The following ZNF678 variants were observed in gnomAD, a reference collection of about 807,000 sequenced individuals.
The protein encoded by ZNF678 is zinc finger protein 678, also known as hypothetical protein MGC42493.
A neutral mutation model predicts 3.0 loss-of-function variants in ZNF678; 5 were observed. The ratio of observed to expected loss-of-function variants is 1.69; its 90% CI spans 0.88 to 3.56. The LOEUF (loss-of-function observed/expected upper bound fraction) is 3.56, where lower values mean the gene tolerates loss of function less well. Among genes scored for constraint, ZNF678 ranks in the 30% most tolerant of loss-of-function variants. ZNF678 has a pLI of 0.00. For synonymous variants in ZNF678, 218 were observed against 199.6 expected (o/e 1.09, Z -0.78); for missense variants, 593 against 605.0 (o/e 0.98, Z 0.21).
At chr1:227,613,189 C>G (rs12069550) in intron 1 of ZNF678, among the ~76,000 whole-genome samples, 32,725 of 152,160 alleles carry the variant, frequency 0.22, 3,933 homozygotes, top group East Asian at 0.44. Flanking sequence ...CTCACTACCT[C>G]TACTCCTCAT....
chr1:227,646,642 C>T lies in ZNF678; in HGVS notation c.-65C>T, dbSNP rs766483295. 15 of 1,372,166 alleles carry T rather than the reference C, an allele frequency of 1.1e-5. No homozygotes were observed. The highest frequency in any genetic ancestry group is 3.8e-5 in the Admixed American group (2 of 52,742). 85.0% of individuals were successfully genotyped at this position (1,372,166 alleles called of 1,614,324 possible). On this transcript the variant is annotated 5_prime_UTR_variant, in exon 2 of 4. Transcript: ENST00000343776. ...GAAATTTGTATAGGGATGTGATGTTCGAGAACTACAGAAACCTGGTCTCCC... is the reference window on the plus strand; with the variant it reads ...GAAATTTGTATAGGGATGTGATGTTTGAGAACTACAGAAACCTGGTCTCCC...
chr1:227,648,216 G>A (rs548857554), intron 2 of ZNF678, among the ~76,000 whole-genome samples: 59 of 152,240 alleles, frequency 3.9e-4, no homozygotes, highest in South Asian at 3.1e-3. Flanking sequence ...AGATTGCTGA[G>A]CGTATATTAA....
At position 227,575,325 on chromosome 1, in the gene ZNF678, G is replaced by T. The variant is rs547370789; in HGVS notation, c.-164+11601G>T. 2.6e-5 allele frequency among the ~76,000 whole-genome samples: 4 copies of T among 152,182 alleles called. No homozygotes were observed. The East Asian group carries it at 7.7e-4, about 29-fold the overall frequency. ...AGAAATAGCATTGAATCTATAAATT[G>T]TTTTTGGGCAGTATGGCCATTTTTA... On this transcript the variant is annotated intron_variant, in intron 1 of 3. Coordinates refer to ENST00000343776, the MANE Select transcript of ZNF678 (RefSeq NM_001367909.1).
chr1:227,644,354 T>TA (rs1658903972), intron 1 of ZNF678, among the ~76,000 whole-genome samples: 1 of 152,338 alleles, frequency 6.6e-6, no homozygotes, highest in South Asian at 2.1e-4. Flanking sequence ...ACATAGTACA[T>TA]GCTCCATAAA....
At chr1:227,663,844 G>A (rs139977590), downstream of ZNF678, among the ~76,000 whole-genome samples, 702 of 152,166 alleles carry the variant, frequency 4.6e-3, 19 homozygotes, top group South Asian at 0.057. Flanking sequence ...CTTTGTCCTC[G>A]GCCCACTTTT....
At chr1:227,652,678 A>G (rs1321989797) in intron 3 of ZNF678, among the ~76,000 whole-genome samples, 4 of 152,066 alleles carry the variant, frequency 2.6e-5, no homozygotes, top group Non-Finnish European at 2.9e-5. Flanking sequence ...TTTTTACCCT[A>G]AACTTCATAT....
At chr1:227,652,795 A>G (rs1367362933) in intron 3 of ZNF678, among the ~76,000 whole-genome samples, 2 of 152,154 alleles carry the variant, frequency 1.3e-5, no homozygotes, top group East Asian at 3.8e-4. Context: ...AAGTGTTTTC[A>G]GCACCATCAT....
At chr1:227,631,516 G>A (rs1178030727) in intron 1 of ZNF678, among the ~76,000 whole-genome samples, 1 of 152,242 alleles carries the variant, frequency 6.6e-6, no homozygotes, top group African/African-American at 2.4e-5. Context: ...TCGTTTCAGA[G>A]AGGGTGTAGG....
At chr1:227,676,983 C>T (rs1487465181) in intron 5 of ZNF678, among the ~76,000 whole-genome samples, 4 of 152,124 alleles carry the variant, frequency 2.6e-5, no homozygotes, top group Non-Finnish European at 4.4e-5. Context: ...AATAAATATA[C>T]TTGTGCATGT....
chr1:227,569,180 G>A (rs1656772930), intron 1 of ZNF678, among the ~76,000 whole-genome samples: 1 of 152,178 alleles, frequency 6.6e-6, no homozygotes, highest in Admixed American at 6.5e-5. Context: ...TGTAGAGACA[G>A]GGTCTCAGTA....
intron 5 of ZNF678, among the ~76,000 whole-genome samples, chr1:227,670,162 C>T (rs1166715973): frequency 6.6e-6 from 1 of 152,096 alleles, no homozygotes; most frequent in Non-Finnish European, 1.5e-5. Context: ...CTGTGGATTC[C>T]TAGGAGAGTA....
Position 227,654,622 on chromosome 1 carries a change from A to G in ZNF678, c.372A>G (p.Pro124=), listed in dbSNP as rs1256823163. 2 of 1,613,012 alleles carry G rather than the reference A, an allele frequency of 1.2e-6. No homozygotes were observed. The highest frequency in any genetic ancestry group is 1.7e-6 in the Non-Finnish European group (2 of 1,179,442). The part of the protein sequence containing the change: ...EHKRIHTGEK[P]YKCEECGKVF... Reference sequence around the variant, plus strand: ...AGAGAATTCATACTGGAGAGAAGCCATACAAATGTGAAGAATGTGGCAAAG... The same window carrying G: ...AGAGAATTCATACTGGAGAGAAGCCGTACAAATGTGAAGAATGTGGCAAAG... The change falls in exon 4 of 4, where the codon CCA becomes CCG. Residue 124 remains proline (P), a synonymous_variant. Coordinates refer to ENST00000343776, the MANE Select transcript of ZNF678 (RefSeq NM_001367909.1).
At chr1:227,648,853 A>T (rs1659022391) in intron 2 of ZNF678, among the ~76,000 whole-genome samples, 1 of 152,038 alleles carries the variant, frequency 6.6e-6, no homozygotes, top group Admixed American at 6.5e-5. Context: ...AAAAAACTGA[A>T]AAACACCTTC....
chr1:227,592,443 C>A (rs1297987194), intron 1 of ZNF678, among the ~76,000 whole-genome samples: 1 of 152,152 alleles, frequency 6.6e-6, no homozygotes, highest in African/African-American at 2.4e-5. Flanking sequence ...TGGCCAGGGC[C>A]CTACAGTCTG....
intron 1 of ZNF678, among the ~76,000 whole-genome samples, chr1:227,632,712 G>A (rs985598833): frequency 4.6e-5 from 7 of 152,116 alleles, no homozygotes; most frequent in African/African-American, 1.2e-4. Context: ...ATTTTCCTCC[G>A]ATTCTAAGGA....
rs1571921949 is a variant in ZNF678 at position 227,658,971 on chromosome 1, A to T, written c.*3143A>T. On this transcript the variant is annotated 3_prime_UTR_variant, in exon 4 of 4. Transcript: ENST00000343776. ...AACCCCTTAAGCAAAAATATATCTT[A>T]GAAATCTTAAGGACACTTAATGGCA... is the stretch of plus-strand genomic sequence containing the variant. 6.6e-6 allele frequency: 1 copy of T among 152,104 alleles called. No individual in the cohort carries two copies. The highest frequency in any genetic ancestry group is 1.9e-4 in the East Asian group (1 of 5,200). The allele number at this position is 152,104 out of a possible 1,614,324, so 9.4% of individuals were successfully genotyped here.
rs1659356401 is a variant in ZNF678, at chr1:227,659,894, CAA to C, written c.*4067_*4068del. The C allele has an allele frequency of 1.2e-5, 1 of 84,932 alleles. No individual in the cohort carries two copies. The highest frequency in any genetic ancestry group is 7.9e-5 in the African/African-American group (1 of 12,618). The allele number at this position is 84,932 out of a possible 1,614,324, so 5.3% of individuals were successfully genotyped here. A position where few individuals can be genotyped will look rare whatever the true frequency, so the allele number is the denominator to read the frequency against. On this transcript the variant is annotated 3_prime_UTR_variant, in exon 4 of 4. Coordinates refer to ENST00000343776, the MANE Select transcript of ZNF678 (RefSeq NM_001367909.1). Reference sequence around the variant, plus strand: ...GTCTTGGCACTTAAAAAAAAAAAAACAATATATTCTCAATAACTGTATTCACT... The same window carrying C: ...GTCTTGGCACTTAAAAAAAAAAAAACTATATTCTCAATAACTGTATTCACT...
At chr1:227,589,078 C>A (rs1396823991) in intron 1 of ZNF678, among the ~76,000 whole-genome samples, 2 of 147,500 alleles carry the variant, frequency 1.4e-5, no homozygotes, top group African/African-American at 2.6e-5. Context: ...AATTTTCTCC[C>A]ATTCTGTAGG....
rs967325965 is a variant in ZNF678, at chr1:227,658,807, A to G, written c.*2979A>G. On this transcript the variant is annotated 3_prime_UTR_variant, in exon 4 of 4. Coordinates refer to ENST00000343776, the MANE Select transcript of ZNF678 (RefSeq NM_001367909.1). ...GTTTATAGGATTAAATTACTGAGTT[A>G]GTAATGTTTGTATGAAAGAAATGTT... is the stretch of plus-strand genomic sequence containing the variant. 6.6e-6 allele frequency: 1 copy of G among 152,086 alleles called. No homozygotes were observed. Among genetic ancestry groups the G allele is most frequent in the African/African-American group, 2.4e-5 (1 of 41,434 alleles). The allele number at this position is 152,086 out of a possible 1,614,324, so 9.4% of individuals were successfully genotyped here. A position where few individuals can be genotyped will look rare whatever the true frequency, so the allele number is the denominator to read the frequency against.
Sources: gnomAD v4.1 joint callset for allele counts (sites outside exome capture counted in the v4.1 genomes callset) on GRCh38, gnomAD v4.1.1 for gene constraint, MANE v1.5 for transcripts, NCBI Gene and HGNC (gene_info 2026-07-23, HGNC 2026-07-21) for gene names.